TLN2: variants seen among roughly 807,000 people sequenced by gnomAD.
TLN2 encodes talin-2.
In TLN2, 118 loss-of-function variants were observed where a neutral mutation model predicts 294.7. The ratio of observed to expected loss-of-function variants is 0.40; its 90% confidence interval spans 0.34 to 0.47. The LOEUF (loss-of-function observed/expected upper bound fraction) is 0.47. Among genes scored for constraint, TLN2 ranks in the 20% least tolerant of loss-of-function variants. The probability of loss-of-function intolerance (pLI) is 0.84; values close to 1 mark genes in which losing one functional copy is unlikely to be tolerated. For missense variants in TLN2, 3,083 were observed against 3,282.2 expected (o/e 0.94, Z 1.48); for synonymous variants, 1,431 against 1,304.5 (o/e 1.10, Z -2.09).
intron 1 of TLN2, among the ~76,000 whole-genome samples, chr15:62,568,920 G>C (rs1211649235): frequency 6.6e-6 from 1 of 152,138 alleles, no homozygotes; most frequent in Non-Finnish European, 1.5e-5. Context: ...GACAACAGCT[G>C]GTGGCTTGTA....
At chr15:62,489,043 C>A (rs546130003) in intron 1 of TLN2, among the ~76,000 whole-genome samples, 3 of 152,126 alleles carry the variant, frequency 2.0e-5, no homozygotes, top group South Asian at 4.1e-4. Context: ...TGCCTGTAGT[C>A]GCAGCTACTT....
Position 62,681,095 on chromosome 15 carries a change from C to G in TLN2, c.958-5546C>G, listed in dbSNP as rs191215561. On this transcript the variant is annotated intron_variant, in intron 11 of 58. Coordinates refer to ENST00000636159, the MANE Select transcript of TLN2 (RefSeq NM_015059.3). ...TCTTCTTTTCCTTTGGGTAGATACC[C>G]AGTAGTGGGATTGCTGGATCAAATG... is the stretch of plus-strand genomic sequence containing the variant. Among the ~76,000 whole-genome samples, 741 of 152,248 alleles carry G rather than the reference C, an allele frequency of 4.9e-3. 3 individuals are homozygous for G. The highest frequency in any genetic ancestry group is 7.5e-3 in the Non-Finnish European group (509 of 68,020).
intron 1 of TLN2, among the ~76,000 whole-genome samples, chr15:62,416,679 C>A (rs950901656): frequency 1.3e-5 from 2 of 152,096 alleles, no homozygotes; most frequent in Non-Finnish European, 2.9e-5. Flanking sequence ...CAAGCCATTG[C>A]GAGAGAGGCT....
chr15:62,495,660 A>G (rs1374462760), intron 1 of TLN2, among the ~76,000 whole-genome samples: 1 of 152,226 alleles, frequency 6.6e-6, no homozygotes, highest in Non-Finnish European at 1.5e-5. Flanking sequence ...AAATGCTGGT[A>G]TTTCAGATGG....
At chr15:62,820,321 C>T (rs1437280692) in intron 53 of TLN2, among the ~76,000 whole-genome samples, 165 bp from the exon 54 acceptor site, 1 of 130,746 alleles carries the variant, frequency 7.6e-6, no homozygotes, top group African/African-American at 2.8e-5. Context: ...ACCCCCCACC[C>T]CCATCCAGAT....
chr15:62,755,741 T>C, intron 37 of TLN2, 48 bp downstream of exon 37: 3 of 1,603,330 alleles, frequency 1.9e-6, no homozygotes, highest in East Asian at 2.2e-5. Context: ...ACTCCTGTTC[T>C]GGCGGGGGAA....
chr15:62,525,320 T>C (rs1166734157), intron 1 of TLN2, among the ~76,000 whole-genome samples: 1 of 152,236 alleles, frequency 6.6e-6, no homozygotes, highest in Non-Finnish European at 1.5e-5. Context: ...CCCTGAAATG[T>C]ATACCAATCT....
intron 1 of TLN2, among the ~76,000 whole-genome samples, chr15:62,437,769 G>GTGTGTGTC (rs1003587269): frequency 2.0e-5 from 3 of 151,944 alleles, no homozygotes; most frequent in Non-Finnish European, 4.4e-5. Flanking sequence ...GTGTGTGTGT[G>GTGTGTGTC]TGTGTCTGTC....
At chr15:62,610,921 A>G (rs1158828442) in intron 2 of TLN2, among the ~76,000 whole-genome samples, 1 of 152,086 alleles carries the variant, frequency 6.6e-6, no homozygotes, top group Non-Finnish European at 1.5e-5. Flanking sequence ...TCACACCAAT[A>G]CTTCAGATTC....
chr15:62,474,871 T>G (rs2037697772), intron 1 of TLN2, among the ~76,000 whole-genome samples: 1 of 151,994 alleles, frequency 6.6e-6, no homozygotes, highest in South Asian at 2.1e-4. Flanking sequence ...GACTGTTCTC[T>G]GAAATCTGCA....
intron 3 of TLN2, chr15:62,640,401 T>G (rs1437352089): frequency 2.2e-6 from 1 of 455,050 alleles, no homozygotes; most frequent in South Asian, 1.6e-5. Flanking sequence ...GGCCAGCTCT[T>G]ACTCTTGTAG....
intron 35 of TLN2, 78 bp downstream of exon 35, chr15:62,752,505 C>T (rs2061992058): frequency 6.4e-7 from 1 of 1,561,220 alleles, no homozygotes; most frequent in South Asian, 1.2e-5. Flanking sequence ...CCAGCTGCAC[C>T]TCTTTCTCCA....
In TLN2 at chr15:62,566,493, T is replaced by C. The variant is rs1256543584; in HGVS notation, c.-237-23194T>C. Among the ~76,000 whole-genome samples the C allele has an allele frequency of 4.0e-5, 6 of 151,184 alleles. No homozygotes were observed. The East Asian group carries it at 9.7e-4, about 24-fold the overall frequency. On this transcript the variant is annotated intron_variant, in intron 1 of 58. Coordinates refer to ENST00000636159, the MANE Select transcript of TLN2 (RefSeq NM_015059.3). Reference sequence around the variant, plus strand: ...GGAGTAATTAAATATGGCCAGAAAATAGAGGGATGTGCATGGGGTATAGGG... The same window carrying C: ...GGAGTAATTAAATATGGCCAGAAAACAGAGGGATGTGCATGGGGTATAGGG...
chr15:62,491,351 T>TACACACACACAC (rs1166046640), intron 1 of TLN2, among the ~76,000 whole-genome samples: 15 of 100,304 alleles, frequency 1.5e-4, no homozygotes, highest in South Asian at 7.8e-4. Flanking sequence ...TATATATATA[T>TACACACACACAC]ACACACACAC....
chr15:62,836,890 T>G (rs1256876966), intron 57 of TLN2, among the ~76,000 whole-genome samples: 1 of 152,244 alleles, frequency 6.6e-6, no homozygotes, highest in Non-Finnish European at 1.5e-5. Context: ...TTTTATCATA[T>G]GTAATTTTTC....
chr15:62,811,544 A>G (rs547504480), intron 52 of TLN2, among the ~76,000 whole-genome samples: 1 of 152,224 alleles, frequency 6.6e-6, no homozygotes, highest in Non-Finnish European at 1.5e-5. Context: ...GGGTGCAATC[A>G]GTAGATTTAG....
chr15:62,603,147 C>T (rs2140788536), intron 2 of TLN2, among the ~76,000 whole-genome samples: 1 of 152,300 alleles, frequency 6.6e-6, no homozygotes, highest in South Asian at 2.1e-4. Flanking sequence ...CTGCCTCGGC[C>T]TCCCACAGTG....
At chr15:62,393,572 G>C (rs2032280255) in intron 1 of TLN2, among the ~76,000 whole-genome samples, 1 of 152,260 alleles carries the variant, frequency 6.6e-6, no homozygotes, top group East Asian at 1.9e-4. Flanking sequence ...AGTAAAGGAC[G>C]ATTACAGGTG....
chr15:62,435,804 A>G (rs2035260776), intron 1 of TLN2, among the ~76,000 whole-genome samples: 2 of 152,262 alleles, frequency 1.3e-5, no homozygotes, highest in East Asian at 1.9e-4. Context: ...GGCCTCCCAA[A>G]ATGCTAGGAT....
Sources: allele counts gnomAD v4.1 joint callset (sites outside exome capture counted in the v4.1 genomes callset), GRCh38; gene constraint gnomAD v4.1.1; transcripts MANE v1.5; gene names NCBI Gene and HGNC (gene_info 2026-07-23, HGNC 2026-07-21).